Variants in SYNCRIP observed in about 807,000 individuals in gnomAD.
SYNCRIP encodes synaptotagmin binding cytoplasmic RNA interacting protein.
A neutral mutation model predicts 68.9 loss-of-function variants in SYNCRIP; 9 were observed. The ratio of observed to expected loss-of-function variants is 0.13; its 90% CI spans 0.08 to 0.23. The LOEUF (loss-of-function observed/expected upper bound fraction) is 0.23. Ranked by LOEUF, SYNCRIP falls within the 10% of genes least tolerant of loss-of-function variation. The pLI, the probability that SYNCRIP is intolerant of heterozygous loss-of-function variation, is 1.00. For missense variants in SYNCRIP, 414 were observed against 770.6 expected (o/e 0.54, Z 5.48); for synonymous variants, 258 against 254.0 (o/e 1.02, Z -0.15).
chr6:85,640,025 T>C (rs747802718), intron 4 of SYNCRIP, among the ~76,000 whole-genome samples, 196 bp downstream of exon 4: 3 of 152,182 alleles, frequency 2.0e-5, no homozygotes, highest in Non-Finnish European at 1.5e-5. Context: ...CATCAGTAGC[T>C]GGATAACATG....
At chr6:85,626,470 G>T (rs1268631007) in intron 6 of SYNCRIP, among the ~76,000 whole-genome samples, 3 of 151,636 alleles carry the variant, frequency 2.0e-5, no homozygotes, top group African/African-American at 7.3e-5. Flanking sequence ...AATGAGGGGG[G>T]GAACTGGTAT....
At position 85,614,814 on chromosome 6, in the gene SYNCRIP, C is replaced by A; in HGVS notation, c.1814G>T (p.Gly605Val). 1 of 1,612,832 alleles carries A rather than the reference C, an allele frequency of 6.2e-7. No homozygotes were observed. Among genetic ancestry groups the A allele is most frequent in the Non-Finnish European group, 8.5e-7 (1 of 1,179,664 alleles). Residue 605 changes from glycine (G) to valine (V), a missense_variant, in exon 11 of 11, where the codon GGT becomes GTT. Coordinates refer to ENST00000369622, the MANE Select transcript of SYNCRIP (RefSeq NM_006372.5). ...LQGGDHSGNY[G>V]YKSENQEFYQ... Reference sequence around the variant, plus strand: ...AAACTCCTGGTTTTCAGATTTGTAACCATAGTTACCAGAATGATCACCACC... The same window carrying A: ...AAACTCCTGGTTTTCAGATTTGTAAACATAGTTACCAGAATGATCACCACC...
chr6:85,626,491 T>C lies in SYNCRIP; in HGVS notation c.667-2379A>G, dbSNP rs142796253. 1.7e-3 allele frequency among the ~76,000 whole-genome samples: 266 copies of C among 152,292 alleles called. 9 individuals are homozygous for C. In the East Asian group the frequency reaches 0.04, roughly 23 times the overall value. ...GGGGGGAACTGGTATTTTCCAAATG[T>C]TCTAAAATCAGGAGCTATTAACTAT... On this transcript the variant is annotated intron_variant, in intron 6 of 10. Coordinates refer to ENST00000369622, the MANE Select transcript of SYNCRIP (RefSeq NM_006372.5).
intron 2 of SYNCRIP, 49 bp from the exon 3 acceptor site, chr6:85,640,613 T>C: frequency 8.2e-7 from 1 of 1,226,324 alleles, no homozygotes; most frequent in Non-Finnish European, 1.1e-6. Flanking sequence ...GAAAAGATTT[T>C]TTAGAGAAGA....
intron 6 of SYNCRIP, among the ~76,000 whole-genome samples, chr6:85,635,724 C>T (rs907001811): frequency 1.0e-4 from 14 of 140,646 alleles, no homozygotes; most frequent in South Asian, 2.2e-4. Context: ...GAGCCAAGAT[C>T]GCACCATGGC....
chr6:85,619,419 TA>T lies in SYNCRIP; in HGVS notation c.1009-3del. ...GTTGCGTACAAACAGCACTTTTACCTAGGGGGAAGAAAATACCCCCCTGTAT... is the reference window on the plus strand; with the variant it reads ...GTTGCGTACAAACAGCACTTTTACCTGGGGGAAGAAAATACCCCCCTGTAT... On this transcript the variant is annotated splice_polypyrimidine_tract_variant and splice_region_variant and intron_variant, in intron 8 of 10. Coordinates refer to ENST00000369622, the MANE Select transcript of SYNCRIP (RefSeq NM_006372.5). 1 of 1,609,858 alleles carries T rather than the reference TA, an allele frequency of 6.2e-7. No individual in the cohort carries two copies. Among genetic ancestry groups the T allele is most frequent in the African/African-American group, 1.3e-5 (1 of 74,810 alleles).
chr6:85,642,268 G>C lies in SYNCRIP; in HGVS notation c.-13+529C>G, dbSNP rs142240291. The stretch of plus-strand genomic sequence containing the variant: ...TGGCTCTCCGCCCCTGGCGCTCCCC[G>C]GGCGCCGACGACCCCCGGCCGCCCG... On this transcript the variant is annotated intron_variant, in intron 1 of 10. Coordinates refer to ENST00000369622, the MANE Select transcript of SYNCRIP (RefSeq NM_006372.5). 5.8e-3 allele frequency among the ~76,000 whole-genome samples: 882 copies of C among 151,842 alleles called. 7 individuals are homozygous for C. The highest frequency in any genetic ancestry group is 0.017 in the South Asian group (81 of 4,798).
chr6:85,637,978 T>A (rs1016953652), intron 4 of SYNCRIP, among the ~76,000 whole-genome samples: 2 of 152,246 alleles, frequency 1.3e-5, no homozygotes, highest in East Asian at 3.8e-4. Flanking sequence ...CAACGTTACA[T>A]AACCTCTACA....
At chr6:85,608,479 T>C (rs1342858010) in exon 12 of SYNCRIP, 2 of 152,006 alleles carry the variant, frequency 1.3e-5, no homozygotes, top group African/African-American at 4.8e-5. Context: ...ACCCACTACG[T>C]TGAAAAGAAC....
At chr6:85,613,229 C>G (rs1805389523), downstream of SYNCRIP, among the ~76,000 whole-genome samples, 1 of 151,540 alleles carries the variant, frequency 6.6e-6, no homozygotes, top group South Asian at 2.1e-4. Context: ...TAAATGAAGT[C>G]ACACCTTAAA....
exon 12 of SYNCRIP, chr6:85,608,858 A>G (rs1440106431): frequency 1.3e-5 from 2 of 152,042 alleles, no homozygotes; most frequent in African/African-American, 4.8e-5. Flanking sequence ...TGGTGCTAAT[A>G]GAATTTAAGT....
intron 6 of SYNCRIP, among the ~76,000 whole-genome samples, chr6:85,631,307 C>T (rs1279333002): frequency 7.2e-6 from 1 of 139,774 alleles, no homozygotes; most frequent in Non-Finnish European, 1.5e-5. Context: ...CCACTGCCCT[C>T]CAGCCTGGGT....
intron 4 of SYNCRIP, among the ~76,000 whole-genome samples, chr6:85,637,656 G>C (rs1172492651): frequency 6.6e-6 from 1 of 152,148 alleles, no homozygotes; most frequent in South Asian, 2.1e-4. Flanking sequence ...TTTCAAGACA[G>C]GATGTATTAC....
intron 1 of SYNCRIP, 36 bp from the exon 2 acceptor site, chr6:85,641,487 C>T (rs370079263): frequency 8.2e-6 from 13 of 1,583,446 alleles, no homozygotes; most frequent in Non-Finnish European, 7.7e-6. Flanking sequence ...AAACTAGGAT[C>T]TTCAAAAAGA....
At chr6:85,619,565 G>A in intron 8 of SYNCRIP, 148 bp from the exon 9 acceptor site, 1 of 676,550 alleles carries the variant, frequency 1.5e-6, no homozygotes, top group South Asian at 2.3e-5. Flanking sequence ...AACTCCTTGG[G>A]TAAATATCAA....
chr6:85,613,963 T>C, downstream of SYNCRIP: 3 of 980,926 alleles, frequency 3.1e-6, no homozygotes, highest in South Asian at 4.7e-5. Flanking sequence ...CTAAAATACT[T>C]ACCAACTTAA....
rs1473532115 is a variant in SYNCRIP, at chr6:85,627,266, T to G, written c.667-3154A>C. ...CTGGGCAACAGAGCAAGACTCCATC[T>G]CTACAAAAAAAAAAAAAAAAAACTT... On this transcript the variant is annotated intron_variant, in intron 6 of 10. Coordinates refer to ENST00000369622, the MANE Select transcript of SYNCRIP (RefSeq NM_006372.5). 2.2e-5 allele frequency among the ~76,000 whole-genome samples: 3 copies of G among 134,464 alleles called. No individual in the cohort carries two copies. In the Admixed American group the frequency reaches 2.3e-4, roughly 11 times the overall value. The allele number at this position is 134,464 out of a possible 152,430, so 88.2% of individuals were successfully genotyped here. A position where few individuals can be genotyped will look rare whatever the true frequency, so the allele number is the denominator to read the frequency against.
intron 6 of SYNCRIP, among the ~76,000 whole-genome samples, chr6:85,631,130 G>C (rs2842615): frequency 0.54 from 81,532 of 151,918 alleles, 23,294 homozygotes; most frequent in African/African-American, 0.74. Context: ...ATCACTTGGG[G>C]TCAGGAGTTC....
chr6:85,614,459 C>T lies in SYNCRIP; in HGVS notation c.*297G>A. On this transcript the variant is annotated 3_prime_UTR_variant, in exon 11 of 11. Coordinates refer to ENST00000369622, the MANE Select transcript of SYNCRIP (RefSeq NM_006372.5). ...CACCAAATCTAAACACTACTGGAAACATCGTTGACACTACAGCCAAATGGA... is the reference window on the plus strand; with the variant it reads ...CACCAAATCTAAACACTACTGGAAATATCGTTGACACTACAGCCAAATGGA... 9.1e-7 allele frequency: 1 copy of T among 1,093,158 alleles called. No individual in the cohort carries two copies. Among genetic ancestry groups the T allele is most frequent in the Non-Finnish European group, 1.1e-6 (1 of 899,864 alleles). 67.7% of individuals were successfully genotyped at this position (1,093,158 alleles called of 1,614,324 possible).
Sources: gnomAD v4.1 joint callset for allele counts (sites outside exome capture counted in the v4.1 genomes callset) on GRCh38, gnomAD v4.1.1 for gene constraint, MANE v1.5 for transcripts, NCBI Gene and HGNC (gene_info 2026-07-23, HGNC 2026-07-21) for gene names.